The following SLIT2 variants were observed in gnomAD, a reference collection of about 807,000 sequenced individuals.
The protein encoded by SLIT2 is slit homolog 2 protein.
A neutral mutation model predicts 185.7 loss-of-function variants in SLIT2; 41 were observed. The ratio of observed to expected loss-of-function variants is 0.22; its 90% confidence interval spans 0.17 to 0.29. SLIT2 has a LOEUF of 0.29. Ranked by LOEUF, SLIT2 falls within the 10% of genes least tolerant of loss-of-function variation. The pLI is 1.00. For missense variants in SLIT2, 1,571 were observed against 1,909.0 expected, an observed-to-expected ratio of 0.82 and a Z score of 3.30; for synonymous variants, 693 against 680.2, an observed-to-expected ratio of 1.02 and a Z score of -0.29.
At chr4:20,564,129 T>C (rs1724907432) in intron 26 of SLIT2, among the ~76,000 whole-genome samples, 2 of 151,822 alleles carry the variant, frequency 1.3e-5, no homozygotes, top group African/African-American at 4.8e-5. Context: ...ATTATCTCCT[T>C]ATTGTATAAA....
chr4:20,459,855 T>A (rs114167997), intron 4 of SLIT2, among the ~76,000 whole-genome samples: 1,570 of 146,770 alleles, frequency 0.011, 21 homozygotes, highest in Middle Eastern at 0.021. Context: ...CAAATTGCCA[T>A]GTTTGGAATT....
chr4:20,569,191 G>T, intron 29 of SLIT2, 187 bp downstream of exon 29: 1 of 583,446 alleles, frequency 1.7e-6, no homozygotes, highest in Non-Finnish European at 3.0e-6. Context: ...AAAAGACCCA[G>T]GAATCTCTGT....
chr4:20,448,858 G>T (rs1480031109), intron 4 of SLIT2, among the ~76,000 whole-genome samples: 1 of 151,722 alleles, frequency 6.6e-6, no homozygotes, highest in Admixed American at 6.6e-5. Context: ...GGATGGTCTC[G>T]ATCTCTTGAC....
intron 4 of SLIT2, among the ~76,000 whole-genome samples, chr4:20,466,986 G>T (rs1011791100): frequency 6.6e-6 from 1 of 152,096 alleles, no homozygotes. Flanking sequence ...TGAGCTCATA[G>T]AATTGGCATT....
Position 20,495,844 on chromosome 4 carries a change from G to A in SLIT2, c.914+3945G>A, listed in dbSNP as rs148067490. ...TTCATTATAGTGGCATAACTTACTA[G>A]CTTAGTAATTTATTTCTTTTATTAC... On this transcript the variant is annotated intron_variant, in intron 9 of 36. Coordinates refer to ENST00000504154, the MANE Select transcript of SLIT2 (RefSeq NM_004787.4). 6.2e-3 allele frequency among the ~76,000 whole-genome samples: 950 copies of A among 152,154 alleles called. 8 individuals are homozygous for A. The highest frequency in any genetic ancestry group is 0.021 in the African/African-American group (888 of 41,522).
At chr4:20,382,614 G>A (rs190518634) in intron 4 of SLIT2, among the ~76,000 whole-genome samples, 2 of 152,220 alleles carry the variant, frequency 1.3e-5, no homozygotes, top group Non-Finnish European at 2.9e-5. Flanking sequence ...TATATATTCA[G>A]TCTGAACACT....
In SLIT2 at chr4:20,277,677, A is replaced by G. The variant is rs2109047408; in HGVS notation, c.395+8796A>G. On this transcript the variant is annotated intron_variant, in intron 4 of 36. Coordinates refer to ENST00000504154, the MANE Select transcript of SLIT2 (RefSeq NM_004787.4). ...GCATATTCTATTGGTAAGTTATGTC[A>G]TTATTCTATTATTTTTAATCATTAA... is the stretch of plus-strand genomic sequence containing the variant. 2.0e-5 allele frequency among the ~76,000 whole-genome samples: 3 copies of G among 149,804 alleles called. 1 individual carries two copies. The highest frequency in any genetic ancestry group is 4.4e-5 in the Non-Finnish European group (3 of 67,480).
At chr4:20,602,868 A>G (rs1305486113) in intron 33 of SLIT2, among the ~76,000 whole-genome samples, 1 of 152,086 alleles carries the variant, frequency 6.6e-6, no homozygotes, top group Non-Finnish European at 1.5e-5. Context: ...TTTTTTTAAC[A>G]GTACCAGTTG....
chr4:20,311,706 T>A (rs1444453564), intron 4 of SLIT2, among the ~76,000 whole-genome samples: 2 of 152,204 alleles, frequency 1.3e-5, no homozygotes, highest in Non-Finnish European at 2.9e-5. Flanking sequence ...TCATTCTTTA[T>A]GGAAGATTTG....
chr4:20,283,284 G>A (rs1714967121), intron 4 of SLIT2, among the ~76,000 whole-genome samples: 1 of 152,164 alleles, frequency 6.6e-6, no homozygotes. Flanking sequence ...AACACAATGA[G>A]GGGTGCATCA....
At position 20,525,173 on chromosome 4, in the gene SLIT2, G is replaced by A. The variant is rs1721177258; in HGVS notation, c.1462+1G>A. The A allele has an allele frequency of 1.2e-6, 2 of 1,608,250 alleles. No homozygotes were observed. The highest frequency in any genetic ancestry group is 1.3e-5 in the African/African-American group (1 of 74,700). On this transcript the variant is annotated splice_donor_variant, in intron 15 of 36. Coordinates refer to ENST00000504154, the MANE Select transcript of SLIT2 (RefSeq NM_004787.4). LOFTEE classifies it high-confidence loss of function. The stretch of plus-strand genomic sequence containing the variant: ...GCTAAAGAACAGTATTTCATTCCAG[G>A]TAGGTTTTGCTCGGTAGTAGGACTA...
At chr4:20,323,223 T>C (rs1719259494) in intron 4 of SLIT2, among the ~76,000 whole-genome samples, 1 of 152,178 alleles carries the variant, frequency 6.6e-6, no homozygotes, top group Non-Finnish European at 1.5e-5. Context: ...ACCTTGGATA[T>C]GCAGGGTATT....
chr4:20,436,077 G>T (rs1477377943), intron 4 of SLIT2, among the ~76,000 whole-genome samples: 1 of 152,164 alleles, frequency 6.6e-6, no homozygotes, highest in East Asian at 1.9e-4. Flanking sequence ...AGTCAATTTT[G>T]TTACCTTGGA....
chr4:20,577,257 G>A (rs1263563798), intron 29 of SLIT2, among the ~76,000 whole-genome samples: 1 of 152,058 alleles, frequency 6.6e-6, no homozygotes, highest in Non-Finnish European at 1.5e-5. Flanking sequence ...TCTGAATATG[G>A]ACACCGACCA....
chr4:20,531,450 G>C (rs975077213), intron 16 of SLIT2, among the ~76,000 whole-genome samples: 1 of 152,182 alleles, frequency 6.6e-6, no homozygotes, highest in Non-Finnish European at 1.5e-5. Flanking sequence ...CCTAGTGGTT[G>C]CCAAGGACTG....
rs1412679734 is a variant in SLIT2, at chr4:20,484,920, A to G, written c.540-1280A>G. On this transcript the variant is annotated intron_variant, in intron 6 of 36. Coordinates refer to ENST00000504154, the MANE Select transcript of SLIT2 (RefSeq NM_004787.4). This position sits in a 1 kb window ranked among gnomAD's most constrained non-coding sequence, Gnocchi z 4.3. Reference sequence around the variant, plus strand: ...CTGCTTTCTTCCATCTCTCTTGCCCATCATTGTATATTTTTGCACGTGGCC... The same window carrying G: ...CTGCTTTCTTCCATCTCTCTTGCCCGTCATTGTATATTTTTGCACGTGGCC... Among the ~76,000 whole-genome samples, 1 of 152,002 alleles carries G rather than the reference A, an allele frequency of 6.6e-6. No individual in the cohort carries two copies. Among genetic ancestry groups the G allele is most frequent in the African/African-American group, 2.4e-5 (1 of 41,386 alleles).
chr4:20,583,753 G>A (rs1577970141), intron 29 of SLIT2, among the ~76,000 whole-genome samples: 1 of 151,860 alleles, frequency 6.6e-6, no homozygotes, highest in Non-Finnish European at 1.5e-5. Flanking sequence ...AGGTTGCAGT[G>A]AGCCAAGATC....
chr4:20,475,801 T>C (rs915931044), intron 5 of SLIT2, among the ~76,000 whole-genome samples: 3 of 152,074 alleles, frequency 2.0e-5, no homozygotes, highest in East Asian at 3.9e-4. Flanking sequence ...CTTCCCTCAA[T>C]TGATGTTAAA....
At chr4:20,402,769 G>A (rs906354062) in intron 4 of SLIT2, among the ~76,000 whole-genome samples, 22 of 151,596 alleles carry the variant, frequency 1.5e-4, no homozygotes, top group Non-Finnish European at 2.5e-4. Context: ...CAATTAAAGC[G>A]TGGTAAAGGA....
Sources: allele counts gnomAD v4.1 joint callset (sites outside exome capture counted in the v4.1 genomes callset), GRCh38; gene constraint gnomAD v4.1.1; non-coding constraint Gnocchi (gnomAD v3.1); transcripts MANE v1.5; gene names NCBI Gene and HGNC (gene_info 2026-07-23, HGNC 2026-07-21).